Variants in LPIN2 observed in about 807,000 individuals in gnomAD.
The protein encoded by LPIN2 is phosphatidate phosphatase LPIN2.
In LPIN2, 55 loss-of-function variants were observed where a neutral mutation model predicts 111.4. That is an observed-to-expected ratio of 0.49 (90% CI 0.40 to 0.62). The LOEUF is 0.62. Ranked by LOEUF, LPIN2 falls within the 20% of genes least tolerant of loss-of-function variation. The pLI is 0.00. For synonymous variants in LPIN2, 425 were observed against 414.0 expected, an observed-to-expected ratio of 1.03 and a Z score of -0.32; for missense variants, 992 against 1,112.1, an observed-to-expected ratio of 0.89 and a Z score of 1.54.
chr18:2,930,148 T>G (rs1048496972), intron 9 of LPIN2, among the ~76,000 whole-genome samples: 8 of 152,216 alleles, frequency 5.3e-5, no homozygotes, highest in African/African-American at 1.9e-4. Context: ...CCAGGTAATG[T>G]GTGTATTACT....
intron 4 of LPIN2, 112 bp downstream of exon 4, chr18:2,950,943 G>A: frequency 8.8e-7 from 1 of 1,133,942 alleles, no homozygotes; most frequent in Admixed American, 1.7e-5. Context: ...ACTGTAAAGG[G>A]GGAAAACAAG....
chr18:2,944,136 A>G (rs955983281), intron 4 of LPIN2, among the ~76,000 whole-genome samples: 1 of 151,732 alleles, frequency 6.6e-6, no homozygotes, highest in Non-Finnish European at 1.5e-5. Context: ...AACCTATCCA[A>G]ACGATCTAAT....
intron 2 of LPIN2, among the ~76,000 whole-genome samples, chr18:2,958,168 A>AAAAAAC (rs2077649715): frequency 6.8e-6 from 1 of 146,204 alleles, no homozygotes; most frequent in Non-Finnish European, 1.5e-5. Context: ...CAACAAAAAA[A>AAAAAAC]AAAAACAGAA....
At chr18:2,943,817 CTTTTTG>C (rs1206237070) in intron 4 of LPIN2, among the ~76,000 whole-genome samples, 3 of 152,116 alleles carry the variant, frequency 2.0e-5, no homozygotes, top group Non-Finnish European at 2.9e-5. Flanking sequence ...GTTGCCAGAT[CTTTTTG>C]TTTTTATTTG....
At chr18:3,012,375 TA>T in intron 1 of LPIN2, among the ~76,000 whole-genome samples, 1 of 152,348 alleles carries the variant, frequency 6.6e-6, no homozygotes, top group African/African-American at 2.4e-5. Context: ...AAAAGAGTCT[TA>T]AAATGTTCAG....
chr18:2,944,332 ACTT>A (rs779196386), intron 4 of LPIN2, among the ~76,000 whole-genome samples: 119 of 106,284 alleles, frequency 1.1e-3, no homozygotes, highest in Non-Finnish European at 2.0e-3. Flanking sequence ...ATTTCCACAA[ACTT>A]TTTTTTTTTT....
intron 4 of LPIN2, among the ~76,000 whole-genome samples, chr18:2,942,239 C>T (rs2077376304): frequency 6.6e-6 from 1 of 152,166 alleles, no homozygotes; most frequent in South Asian, 2.1e-4. Context: ...CTTACTCTGG[C>T]ATACCACTCA....
In LPIN2 at chr18:2,964,282, C is replaced by CAAA. The variant is rs56276815; in HGVS notation, c.-9-3436_-9-3434dup. 6.5e-3 allele frequency among the ~76,000 whole-genome samples: 366 copies of CAAA among 56,260 alleles called. 16 individuals carry two copies. The highest frequency in any genetic ancestry group is 0.014 in the East Asian group (21 of 1,540). The allele number at this position is 56,260 out of a possible 152,430, so 36.9% of individuals were successfully genotyped here. A position where few individuals can be genotyped will look rare whatever the true frequency, so the allele number is the denominator to read the frequency against. ...TGGGTGACAGAGCAAGACTCCGTCTCAAAAAAAAAAAAAAAAAAAAAAAGA... is the reference window on the plus strand; with the variant it reads ...TGGGTGACAGAGCAAGACTCCGTCTCAAAAAAAAAAAAAAAAAAAAAAAAAAGA... On this transcript the variant is annotated intron_variant, in intron 1 of 19. Transcript: ENST00000677752.
Position 2,931,292 on chromosome 18 carries a change from A to C in LPIN2, c.1420T>G (p.Cys474Gly). Residue 474 changes from cysteine to glycine, a missense_variant, in exon 9 of 20, where the codon TGC becomes GGC. By Grantham distance (159) the Cys-to-Gly change is radical. Around this residue, in one of 4 missense-constraint regions of LPIN2, gnomAD observed 709 missense variants for 753.2 expected, o/e 0.94. Coordinates refer to ENST00000677752, the MANE Select transcript of LPIN2 (RefSeq NM_001375808.2). ...MDLPDVTLSL[C>G]GGLSENGEIS... ...TCTCCATTTTCACTGAGGCCCCCGC[A>C]AAGGGAGAGGGTAACGTCAGGCAAG... 1 of 1,614,192 alleles carries C rather than the reference A, an allele frequency of 6.2e-7. No individual in the cohort carries two copies. Among genetic ancestry groups the C allele is most frequent in the Non-Finnish European group, 8.5e-7 (1 of 1,180,040 alleles).
At chr18:2,939,899 A>T (rs2077345022) in intron 5 of LPIN2, among the ~76,000 whole-genome samples, 1 of 152,256 alleles carries the variant, frequency 6.6e-6, no homozygotes, top group Non-Finnish European at 1.5e-5. Flanking sequence ...ATAATTTTGT[A>T]GGAAAGGAAA....
At chr18:2,978,678 AAAAC>A (rs1250474737) in intron 1 of LPIN2, among the ~76,000 whole-genome samples, 3 of 152,228 alleles carry the variant, frequency 2.0e-5, no homozygotes, top group Non-Finnish European at 4.4e-5. Context: ...AAAACAAAAC[AAAAC>A]AGTTATTCTT....
chr18:2,994,934 C>T (rs923807008), intron 1 of LPIN2, among the ~76,000 whole-genome samples: 4 of 152,166 alleles, frequency 2.6e-5, no homozygotes, highest in African/African-American at 9.7e-5. Flanking sequence ...CCGGCAAGCA[C>T]ATGACTTGGC....
chr18:2,972,745 T>A (rs976466957), intron 1 of LPIN2, among the ~76,000 whole-genome samples: 1 of 152,206 alleles, frequency 6.6e-6, no homozygotes, highest in Non-Finnish European at 1.5e-5. Context: ...GCCAAACTTG[T>A]TTCAAACTAT....
intron 2 of LPIN2, among the ~76,000 whole-genome samples, chr18:2,956,160 T>C (rs149322797): frequency 6.4e-4 from 97 of 152,262 alleles, no homozygotes; most frequent in African/African-American, 2.2e-3. Context: ...TAGGATTGAG[T>C]AACTAAGCAG....
chr18:3,007,776 T>C (rs1444451562), intron 1 of LPIN2, among the ~76,000 whole-genome samples: 1 of 152,370 alleles, frequency 6.6e-6, no homozygotes, highest in Non-Finnish European at 1.5e-5. Context: ...AACGATCTGA[T>C]GGTTTTGCTG....
At chr18:2,980,561 A>G (rs2078093725) in intron 1 of LPIN2, among the ~76,000 whole-genome samples, 2 of 152,078 alleles carry the variant, frequency 1.3e-5, no homozygotes, top group East Asian at 3.9e-4. Context: ...ACCTCTGACC[A>G]CTGTTTGTGT....
intron 1 of LPIN2, among the ~76,000 whole-genome samples, chr18:2,968,076 A>G (rs2077836180): frequency 6.6e-6 from 1 of 152,180 alleles, no homozygotes; most frequent in Non-Finnish European, 1.5e-5. Context: ...ATGTCTCCTC[A>G]AGAACACAGC....
intron 1 of LPIN2, among the ~76,000 whole-genome samples, chr18:3,003,891 C>T (rs150630918): frequency 3.9e-4 from 60 of 152,222 alleles, no homozygotes; most frequent in Middle Eastern, 3.4e-3. Flanking sequence ...TATAAATGAA[C>T]GTGTAAGTAG....
chr18:2,944,333 C>CTTTTTTTTTTTTTT (rs768515839), intron 4 of LPIN2, among the ~76,000 whole-genome samples: 2 of 51,350 alleles, frequency 3.9e-5, no homozygotes, highest in East Asian at 5.7e-4. Flanking sequence ...TTTCCACAAA[C>CTTTTTTTTTTTTTT]TTTTTTTTTT....
Sources: gnomAD v4.1 joint callset for allele counts (sites outside exome capture counted in the v4.1 genomes callset) on GRCh38, gnomAD v4.1.1 for gene constraint, gnomAD v4.1.1 regional missense constraint, MANE v1.5 for transcripts, NCBI Gene and HGNC (gene_info 2026-07-23, HGNC 2026-07-21) for gene names.